NMS: variants seen among roughly 807,000 people sequenced by gnomAD.
NMS encodes the protein neuromedin-S.
NMS carries 30 observed loss-of-function variants against 32.2 expected under a neutral mutation model. The ratio of observed to expected loss-of-function variants is 0.93; its 90% CI spans 0.70 to 1.26. The LOEUF is 1.26. NMS is among the 50% of genes most tolerant of loss of function. The probability of loss-of-function intolerance (pLI) is 0.00; values close to 1 mark genes in which losing one functional copy is unlikely to be tolerated. For missense variants in NMS, 190 were observed against 186.3 expected, an observed-to-expected ratio of 1.02 and a Z score of -0.12; for synonymous variants, 76 against 58.5, an observed-to-expected ratio of 1.30 and a Z score of -1.37.
At chr2:100,481,732 A>G (rs897567811) in intron 8 of NMS, among the ~76,000 whole-genome samples, 3 of 152,218 alleles carry the variant, frequency 2.0e-5, no homozygotes, top group Non-Finnish European at 4.4e-5. Flanking sequence ...AAAGTCAGCT[A>G]AGATTGGAAA....
At chr2:100,477,190 G>A (rs766371173) in intron 3 of NMS, 54 bp from the exon 4 acceptor site, 36 of 1,499,656 alleles carry the variant, frequency 2.4e-5, no homozygotes, top group Middle Eastern at 1.7e-4. Context: ...AACGTTATCC[G>A]TTACCTGCCC....
intron 6 of NMS, 35 bp from the exon 7 acceptor site, chr2:100,480,461 C>T: frequency 1.2e-6 from 2 of 1,609,950 alleles, no homozygotes; most frequent in South Asian, 1.1e-5. Flanking sequence ...TGATGTGGTT[C>T]CTGTTGAATT....
At chr2:100,476,013 A>AAAAGG (rs1677104009) in intron 3 of NMS, among the ~76,000 whole-genome samples, 1 of 143,512 alleles carries the variant, frequency 7.0e-6, no homozygotes, top group Non-Finnish European at 1.5e-5. Context: ...AAAAAAAAAG[A>AAAAGG]AAAGAAAAGA....
intron 8 of NMS, among the ~76,000 whole-genome samples, chr2:100,481,426 T>A (rs1190784592): frequency 6.6e-6 from 1 of 152,134 alleles, no homozygotes; most frequent in Non-Finnish European, 1.5e-5. Context: ...AGACACAAGG[T>A]AGACCAGAAT....
At chr2:100,476,973 G>A (rs1357934274) in intron 3 of NMS, among the ~76,000 whole-genome samples, 1 of 152,080 alleles carries the variant, frequency 6.6e-6, no homozygotes, top group African/African-American at 2.4e-5. Context: ...CAGAGAGTAG[G>A]TCTCTCCTCC....
intron 6 of NMS, 124 bp downstream of exon 6, chr2:100,479,551 C>G (rs1677176885): frequency 2.4e-6 from 2 of 833,570 alleles, no homozygotes; most frequent in Non-Finnish European, 3.7e-6. Context: ...TCCACCTTGG[C>G]AGGGAGCACT....
intron 9 of NMS, 130 bp from the exon 10 acceptor site, chr2:100,483,122 C>T: frequency 1.3e-6 from 1 of 764,768 alleles, no homozygotes; most frequent in Non-Finnish European, 2.2e-6. Flanking sequence ...GGAAAGCAAC[C>T]TGGGCATTTA....
intron 1 of NMS, among the ~76,000 whole-genome samples, chr2:100,472,067 T>G (rs57652013): frequency 6.6e-6 from 1 of 152,050 alleles, no homozygotes; most frequent in Non-Finnish European, 1.5e-5. Context: ...CAAAATACCA[T>G]ACAATTTTCT....
At chr2:100,478,712 C>T (rs1677159330) in intron 5 of NMS, among the ~76,000 whole-genome samples, 1 of 152,250 alleles carries the variant, frequency 6.6e-6, no homozygotes, top group Non-Finnish European at 1.5e-5. Flanking sequence ...GATCCACCCA[C>T]ATTGGCCTCC....
intron 2 of NMS, 40 bp from the exon 3 acceptor site, chr2:100,473,449 C>T: frequency 8.0e-7 from 1 of 1,257,230 alleles, no homozygotes; most frequent in East Asian, 2.5e-5. Flanking sequence ...TCTTCATCCC[C>T]CTCATCCCTT....
chr2:100,475,999 C>CAAAAAAAAAAAAA lies in NMS; in HGVS notation c.184-1233_184-1232insAAAAAAAAAAAAA, dbSNP rs746460668. On this transcript the variant is annotated intron_variant, in intron 3 of 9. Transcript: ENST00000376865. ...GGGTGATGGAGCGAGACCCTATCTC[C>CAAAAAAAAAAAAA]AAAAAAAAAAAAGAAAAGAAAAGAA... Among the ~76,000 whole-genome samples, 140 of 111,538 alleles carry CAAAAAAAAAAAAA rather than the reference C, an allele frequency of 1.3e-3. 2 individuals carry two copies. Among genetic ancestry groups the CAAAAAAAAAAAAA allele is most frequent in the Non-Finnish European group, 1.9e-3 (103 of 54,628 alleles). 73.2% of individuals were successfully genotyped at this position (111,538 alleles called of 152,430 possible). A position where few individuals can be genotyped will look rare whatever the true frequency, so the allele number is the denominator to read the frequency against.
intron 8 of NMS, 129 bp downstream of exon 8, chr2:100,481,296 A>C (rs1677211265): frequency 2.3e-6 from 2 of 871,198 alleles, no homozygotes; most frequent in East Asian, 4.8e-5. Context: ...AGACTCTCTC[A>C]TCCTTCACTG....
At chr2:100,480,929 C>T (rs1049775376) in intron 7 of NMS, among the ~76,000 whole-genome samples, 197 bp from the exon 8 acceptor site, 1 of 152,278 alleles carries the variant, frequency 6.6e-6, no homozygotes, top group East Asian at 1.9e-4. Context: ...GGCTAAAATT[C>T]AGATTGCTTG....
chr2:100,470,502 G>T lies in NMS; in HGVS notation c.14G>T (p.Arg5Leu). 1 of 1,613,738 alleles carries T rather than the reference G, an allele frequency of 6.2e-7. No homozygotes were observed. The highest frequency in any genetic ancestry group is 8.5e-7 in the Non-Finnish European group (1 of 1,179,748). MKHL[R>L]PQFPLILAIY... Reference sequence around the variant, plus strand: ...CAGACTCTCACAATGAAACATCTTCGTCCCCAGTTCCCTCTCATCTTGGCC... The same window carrying T: ...CAGACTCTCACAATGAAACATCTTCTTCCCCAGTTCCCTCTCATCTTGGCC... Residue 5 changes from arginine (R) to leucine (L), a missense_variant, in exon 1 of 10, where the codon CGT becomes CTT. Arg to Leu is a moderately radical substitution (Grantham distance 102, BLOSUM62 -2). Transcript: ENST00000376865.
Position 100,477,830 on chromosome 2 carries a change from C to T in NMS, c.261+416C>T, listed in dbSNP as rs559286084. ...GGATGAACATCTTCCGTGGCTGTCG[C>T]GATGTGTATGTGCAAAGGGAATAGA... On this transcript the variant is annotated intron_variant, in intron 5 of 9. Coordinates refer to ENST00000376865, the MANE Select transcript of NMS (RefSeq NM_001011717.1). Among the ~76,000 whole-genome samples, 39 of 152,174 alleles carry T rather than the reference C, an allele frequency of 2.6e-4. No individual in the cohort carries two copies. The East Asian group carries it at 3.7e-3, about 14-fold the overall frequency.
intron 3 of NMS, among the ~76,000 whole-genome samples, chr2:100,474,680 T>C (rs11123833): frequency 0.28 from 42,033 of 152,148 alleles, 6,225 homozygotes; most frequent in East Asian, 0.41. Context: ...CAGAACGTGG[T>C]AAATGACAGC....
chr2:100,479,482 G>T (rs1388654887), intron 6 of NMS, 55 bp downstream of exon 6: 1 of 1,461,362 alleles, frequency 6.8e-7, no homozygotes, highest in Admixed American at 1.9e-5. Context: ...TCATTGAATC[G>T]TGGTAAAAGC....
At chr2:100,473,604 T>G in intron 3 of NMS, 65 bp downstream of exon 3, 1 of 554,468 alleles carries the variant, frequency 1.8e-6, no homozygotes, top group Non-Finnish European at 2.7e-6. Context: ...CACACTCTTT[T>G]GCTACCTACA....
chr2:100,478,121 C>T (rs1677146976), intron 5 of NMS, among the ~76,000 whole-genome samples: 1 of 152,160 alleles, frequency 6.6e-6, no homozygotes, highest in Non-Finnish European at 1.5e-5. Context: ...GCCACCATGC[C>T]TGGCTAATGT....
Sources: allele counts gnomAD v4.1 joint callset (sites outside exome capture counted in the v4.1 genomes callset), GRCh38; gene constraint gnomAD v4.1.1; transcripts MANE v1.5; gene names NCBI Gene and HGNC (gene_info 2026-07-23, HGNC 2026-07-21).